Variants in SPAG16 observed in about 807,000 individuals in gnomAD.
SPAG16 encodes the protein sperm-associated antigen 16 protein.
Under a neutral mutation model 80.4 loss-of-function variants are expected in SPAG16, and 86 were observed. The ratio of observed to expected loss-of-function variants is 1.07; its 90% CI spans 0.90 to 1.28. The LOEUF (loss-of-function observed/expected upper bound fraction) is 1.28. Ranked by LOEUF, SPAG16 falls within the 50% of genes most tolerant of loss-of-function variation. The pLI is 0.00. For missense variants in SPAG16, 870 were observed against 765.3 expected (o/e 1.14, Z -1.61); for synonymous variants, 294 against 265.9 (o/e 1.11, Z -1.03).
At chr2:214,171,244 T>TA (rs1322478108) in intron 15 of SPAG16, among the ~76,000 whole-genome samples, 2 of 151,920 alleles carry the variant, frequency 1.3e-5, no homozygotes, top group East Asian at 3.9e-4. Context: ...CCACCTTAGT[T>TA]ACACTGGACC....
chr2:213,939,424 G>C (rs934548546), intron 12 of SPAG16, among the ~76,000 whole-genome samples: 2 of 152,264 alleles, frequency 1.3e-5, no homozygotes, highest in African/African-American at 4.8e-5. Context: ...AGATGACAAG[G>C]GGGTATCACT....
intron 12 of SPAG16, among the ~76,000 whole-genome samples, chr2:213,980,724 A>ATATG (rs2045692772): frequency 8.3e-6 from 1 of 120,166 alleles, no homozygotes; most frequent in South Asian, 3.2e-4. Flanking sequence ...ATATATATAT[A>ATATG]TAGAGAGAGA....
chr2:213,611,107 T>C (rs761187006), intron 10 of SPAG16, among the ~76,000 whole-genome samples: 2 of 152,182 alleles, frequency 1.3e-5, no homozygotes, highest in Non-Finnish European at 2.9e-5. Flanking sequence ...CTCATGATGA[T>C]AGATACATTT....
At chr2:213,573,206 T>G (rs2059989509) in intron 10 of SPAG16, among the ~76,000 whole-genome samples, 1 of 151,972 alleles carries the variant, frequency 6.6e-6, no homozygotes, top group African/African-American at 2.4e-5. Context: ...TCTGCGTCGG[T>G]CACGCTGGGA....
chr2:213,797,481 T>C (rs1449872913), intron 10 of SPAG16, among the ~76,000 whole-genome samples: 1 of 152,224 alleles, frequency 6.6e-6, no homozygotes, highest in East Asian at 1.9e-4. Flanking sequence ...ACAAATACCA[T>C]TGTGTTACAA....
chr2:213,949,551 C>T (rs1278592067), intron 12 of SPAG16, among the ~76,000 whole-genome samples: 1 of 152,158 alleles, frequency 6.6e-6, no homozygotes, highest in Admixed American at 6.5e-5. Context: ...CCAAACAGAT[C>T]ACAACCCTTC....
intron 15 of SPAG16, among the ~76,000 whole-genome samples, chr2:214,175,773 A>C (rs2057059980): frequency 6.6e-6 from 1 of 151,556 alleles, no homozygotes; most frequent in African/African-American, 2.4e-5. Flanking sequence ...AAAACTGATA[A>C]ATCATTATAA....
chr2:213,933,079 A>G (rs1299980979), intron 12 of SPAG16, among the ~76,000 whole-genome samples: 1 of 152,068 alleles, frequency 6.6e-6, no homozygotes, highest in Non-Finnish European at 1.5e-5. Flanking sequence ...TGGCAAAAGT[A>G]TTCTAAATAT....
At chr2:213,420,479 T>C (rs1191778231) in intron 9 of SPAG16, among the ~76,000 whole-genome samples, 2 of 152,202 alleles carry the variant, frequency 1.3e-5, no homozygotes, top group East Asian at 3.8e-4. Context: ...TATTGTAAAC[T>C]GGAAGGCACA....
chr2:214,272,097 A>G (rs1692069428), intron 15 of SPAG16, among the ~76,000 whole-genome samples: 1 of 152,172 alleles, frequency 6.6e-6, no homozygotes, highest in African/African-American at 2.4e-5. Flanking sequence ...GTTTCCTTTC[A>G]AAGTGTCATA....
chr2:213,912,201 C>G (rs558033402), intron 11 of SPAG16, among the ~76,000 whole-genome samples: 6 of 152,192 alleles, frequency 3.9e-5, no homozygotes, highest in Non-Finnish European at 8.8e-5. Flanking sequence ...TTAATGTACA[C>G]TTGAAAATGC....
At chr2:214,298,111 TATACAC>T (rs1156246125) in intron 15 of SPAG16, among the ~76,000 whole-genome samples, 1 of 70,924 alleles carries the variant, frequency 1.4e-5, no homozygotes, top group African/African-American at 4.0e-5. Context: ...TATATATATA[TATACAC>T]ACACACACAC....
intron 10 of SPAG16, among the ~76,000 whole-genome samples, chr2:213,730,384 C>A (rs2066976884): frequency 6.6e-6 from 1 of 152,142 alleles, no homozygotes; most frequent in South Asian, 2.1e-4. Flanking sequence ...ATAAGAGCAG[C>A]TGATTTTGTA....
Position 214,389,578 on chromosome 2 carries a change from C to G in SPAG16, c.1721-20562C>G, listed in dbSNP as rs181308037. Among the ~76,000 whole-genome samples the G allele has an allele frequency of 3.2e-3, 493 of 152,324 alleles. 5 individuals carry two copies. The highest frequency in any genetic ancestry group is 6.4e-3 in the South Asian group (31 of 4,834). On this transcript the variant is annotated intron_variant, in intron 15 of 15. Transcript: ENST00000331683. ...CAGATTTTAATGTAGAATGTTTGTA[C>G]TGCCAGGGCAGTGGGTATGACAAAT...
At chr2:213,778,660 T>G (rs2069752475) in intron 10 of SPAG16, among the ~76,000 whole-genome samples, 1 of 152,148 alleles carries the variant, frequency 6.6e-6, no homozygotes, top group South Asian at 2.1e-4. Flanking sequence ...GTATATTATC[T>G]TTCTCTCCCT....
At chr2:213,398,842 A>G (rs901015870) in intron 9 of SPAG16, among the ~76,000 whole-genome samples, 2 of 152,220 alleles carry the variant, frequency 1.3e-5, no homozygotes, top group South Asian at 2.1e-4. Flanking sequence ...ATTCACTGCT[A>G]TATTCTCAGT....
chr2:213,460,181 T>C (rs1026433550), intron 9 of SPAG16, among the ~76,000 whole-genome samples: 4 of 152,226 alleles, frequency 2.6e-5, no homozygotes, highest in Admixed American at 6.5e-5. Context: ...TACATTTTTT[T>C]TCTTCCATAC....
At chr2:214,376,932 A>G (rs1192253509) in intron 15 of SPAG16, among the ~76,000 whole-genome samples, 1 of 152,220 alleles carries the variant, frequency 6.6e-6, no homozygotes, top group African/African-American at 2.4e-5. Flanking sequence ...AAAATTTAAA[A>G]TTTAGCAAAA....
intron 7 of SPAG16, among the ~76,000 whole-genome samples, chr2:213,360,672 G>C (rs1392649123): frequency 6.6e-6 from 1 of 152,322 alleles, no homozygotes; most frequent in East Asian, 1.9e-4. Context: ...TACAGGCATA[G>C]ATTAGCCTTT....
Sources: gnomAD v4.1 joint callset for allele counts (sites outside exome capture counted in the v4.1 genomes callset) on GRCh38, gnomAD v4.1.1 for gene constraint, MANE v1.5 for transcripts, NCBI Gene and HGNC (gene_info 2026-07-23, HGNC 2026-07-21) for gene names.